Variants in CD40LG observed in about 807,000 individuals in gnomAD.
CD40LG encodes the protein CD40 ligand, also known as CD40 antigen ligand.
In CD40LG, 1 loss-of-function variant was observed where a neutral mutation model predicts 17.2. The observed-to-expected ratio is 0.06, with a 90% CI of 0.02 to 0.28. The LOEUF is 0.28. Ranked by LOEUF, CD40LG falls within the 10% of genes least tolerant of loss-of-function variation. The pLI is 1.00. For synonymous variants in CD40LG, 66 were observed against 74.4 expected (o/e 0.89, Z 0.58); for missense variants, 133 against 193.2 (o/e 0.69, Z 1.85).
chrX:136,655,850 G>A (rs900292821), intron 3 of CD40LG, among the ~76,000 whole-genome samples: 1 of 112,151 alleles, frequency 8.9e-6, no homozygotes, highest in African/African-American at 3.2e-5. Context: ...CTCATAACTG[G>A]ACAAAAAGAA....
In CD40LG at chrX:136,659,469, C is replaced by G. The variant is rs1322288983; in HGVS notation, c.*54C>G. 1.7e-6 allele frequency: 2 copies of G among 1,160,805 alleles called. No individual in the cohort carries two copies. Among genetic ancestry groups the G allele is most frequent in the Non-Finnish European group, 2.3e-6 (2 of 859,023 alleles). ...GCTGACGCTGGGAGTCTTCATAATACAGCACAGCGGTTAAGCCCACCCCCT... is the reference window on the plus strand; with the variant it reads ...GCTGACGCTGGGAGTCTTCATAATAGAGCACAGCGGTTAAGCCCACCCCCT... On this transcript the variant is annotated 3_prime_UTR_variant, in exon 5 of 5. Coordinates refer to ENST00000370629, the MANE Select transcript of CD40LG (RefSeq NM_000074.3).
rs984508437 is a variant in CD40LG, at chrX:136,651,343, C to T, written c.288+946C>T. On this transcript the variant is annotated intron_variant, in intron 2 of 4. Transcript: ENST00000370629. ...GTGGGTGGGTATCTGGGTAAACCAA[C>T]AGGAATTAGTTCTCACATATAGATG... 9.0e-5 allele frequency among the ~76,000 whole-genome samples: 10 copies of T among 111,180 alleles called. No individual in the cohort carries two copies. The East Asian group carries it at 2.0e-3, about 22-fold the overall frequency.
intron 2 of CD40LG, among the ~76,000 whole-genome samples, chrX:136,654,101 C>T (rs2076112209): frequency 1.8e-5 from 2 of 111,807 alleles, no homozygotes; most frequent in Admixed American, 9.5e-5. Flanking sequence ...AGGATCACAG[C>T]CTCTGGTCTG....
intron 2 of CD40LG, among the ~76,000 whole-genome samples, chrX:136,651,930 C>T (rs1325882397): frequency 1.8e-5 from 2 of 111,382 alleles, no homozygotes; most frequent in East Asian, 5.6e-4. Context: ...TCGTTTCTTA[C>T]GGAGACTTTT....
At chrX:136,652,950 GA>G (rs1236555830) in intron 2 of CD40LG, among the ~76,000 whole-genome samples, 35 of 105,090 alleles carry the variant, frequency 3.3e-4, no homozygotes, top group Middle Eastern at 4.8e-3. Flanking sequence ...AGTGAAGCAA[GA>G]AAAAAAAAAG....
In CD40LG at chrX:136,648,359, T is replaced by C; in HGVS notation, c.111T>C (p.Ile37=). 7 of 1,210,367 alleles carry C rather than the reference T, an allele frequency of 5.8e-6. No homozygotes were observed. The highest frequency in any genetic ancestry group is 7.8e-6 in the Non-Finnish European group (7 of 894,022). ...CTGTTTTTCTTATCACCCAGATGAT[T>C]GGGTCAGCACTTTTTGCTGTGTATC... The part of the protein sequence containing the change: ...LLTVFLITQM[I]GSALFAVYLH... Residue 37 remains isoleucine (I), a synonymous_variant, in exon 1 of 5, where the codon ATT becomes ATC. Transcript: ENST00000370629.
rs36063307 is a variant in CD40LG at position 136,648,329 on chromosome X, A to G, written c.81A>G (p.Leu27=). 5.5e-4 allele frequency: 662 copies of G among 1,203,293 alleles called. 5 individuals carry two copies. The African/African-American group carries it at 0.011, about 19-fold the overall frequency. Residue 27 remains leucine (L), a synonymous_variant, in exon 1 of 5, where the codon TTA becomes TTG. Transcript: ENST00000370629. ...TCAGCATGAAAATTTTTATGTATTT[A>G]CTTACTGTTTTTCTTATCACCCAGA... The part of the protein sequence containing the change: ...LPISMKIFMY[L]LTVFLITQMI...
Position 136,650,403 on chromosome X carries a change from C to T in CD40LG, c.288+6C>T, listed in dbSNP as rs773041323. On this transcript the variant is annotated splice_donor_region_variant and intron_variant, in intron 2 of 4. Coordinates refer to ENST00000370629, the MANE Select transcript of CD40LG (RefSeq NM_000074.3). ...AGTTTGAAGGCTTTGTGAAGGTAAG[C>T]AGCTTAATTACTGGTAAAAGTGTCA... is the stretch of plus-strand genomic sequence containing the variant. 5.0e-6 allele frequency: 6 copies of T among 1,200,822 alleles called. No homozygotes were observed. The highest frequency in any genetic ancestry group is 6.8e-6 in the Non-Finnish European group (6 of 887,531).
chrX:136,653,809 A>C (rs1255202640), intron 2 of CD40LG, among the ~76,000 whole-genome samples: 1 of 112,536 alleles, frequency 8.9e-6, no homozygotes, highest in Non-Finnish European at 1.9e-5. Context: ...AAGTAAATAC[A>C]GTGCAACTAT....
intron 1 of CD40LG, among the ~76,000 whole-genome samples, chrX:136,649,757 C>A (rs752110841): frequency 8.9e-6 from 1 of 112,560 alleles, no homozygotes; most frequent in Non-Finnish European, 1.9e-5. Context: ...TTTAAAAATG[C>A]AAATGTTTTC....
At chrX:136,651,779 C>A (rs965062152) in intron 2 of CD40LG, among the ~76,000 whole-genome samples, 1 of 111,726 alleles carries the variant, frequency 9.0e-6, no homozygotes, top group Admixed American at 9.5e-5. Flanking sequence ...AATAACTTCA[C>A]CTTTCTGGGC....
chrX:136,649,776 C>T (rs1045959100), intron 1 of CD40LG, among the ~76,000 whole-genome samples: 1 of 112,483 alleles, frequency 8.9e-6, no homozygotes, highest in African/African-American at 3.2e-5. Context: ...TCTACAAATA[C>T]TAAAGTTAAA....
In CD40LG at chrX:136,658,635, T is replaced by A. The variant is rs185829509; in HGVS notation, c.410-404T>A. The stretch of plus-strand genomic sequence containing the variant: ...GTATTCATGGTAATATTAGCAAAAA[T>A]TTGGTCCGAGTAATTTGGTATGTAT... On this transcript the variant is annotated intron_variant, in intron 4 of 4. Transcript: ENST00000370629. Among the ~76,000 whole-genome samples the A allele has an allele frequency of 1.3e-4, 15 of 111,584 alleles. No homozygotes were observed. The East Asian group carries it at 3.1e-3, about 23-fold the overall frequency.
At chrX:136,655,827 G>T (rs1434021877) in intron 3 of CD40LG, among the ~76,000 whole-genome samples, 4 of 112,392 alleles carry the variant, frequency 3.6e-5, no homozygotes, top group Non-Finnish European at 7.5e-5. Flanking sequence ...CTTACAAAGT[G>T]CCCAATATCA....
chrX:136,655,208 G>T (rs1020936184), intron 3 of CD40LG, among the ~76,000 whole-genome samples: 1 of 111,572 alleles, frequency 9.0e-6, no homozygotes, highest in African/African-American at 3.3e-5. Context: ...CCCAGCAGCT[G>T]TCCAGATATG....
rs755252636 is a variant in CD40LG, at chrX:136,649,967, C to T, written c.157-299C>T. On this transcript the variant is annotated intron_variant, in intron 1 of 4. Transcript: ENST00000370629. ...GAAGCAATGAGAAATGTGACAATTA[C>T]AGAATATTGCTGCTATAGTATGTTG... Among the ~76,000 whole-genome samples the T allele has an allele frequency of 3.6e-4, 41 of 112,454 alleles. 1 individual carries two copies. Among genetic ancestry groups the T allele is most frequent in the Non-Finnish European group, 6.8e-4 (36 of 53,250 alleles).
chrX:136,657,499 A>T (rs753745858), intron 4 of CD40LG, among the ~76,000 whole-genome samples: 1 of 111,847 alleles, frequency 8.9e-6, no homozygotes, highest in South Asian at 3.7e-4. Context: ...AATGTGGCCG[A>T]AAGTGATGCT....
intron 1 of CD40LG, 57 bp downstream of exon 1, chrX:136,648,461 G>C: frequency 9.3e-7 from 1 of 1,071,705 alleles, no homozygotes; most frequent in Non-Finnish European, 1.3e-6. Context: ...TAATTCATAG[G>C]TTGGTTCTAC....
Position 136,650,406 on chromosome X carries a change from CT to C in CD40LG, c.288+11del. On this transcript the variant is annotated intron_variant, in intron 2 of 4. Coordinates refer to ENST00000370629, the MANE Select transcript of CD40LG (RefSeq NM_000074.3). ...TTGAAGGCTTTGTGAAGGTAAGCAG[CT>C]TAATTACTGGTAAAAGTGTCATTGA... 8.3e-7 allele frequency: 1 copy of C among 1,200,202 alleles called. No homozygotes were observed. Among genetic ancestry groups the C allele is most frequent in the Non-Finnish European group, 1.1e-6 (1 of 885,568 alleles).
Sources: gnomAD v4.1 joint callset for allele counts (sites outside exome capture counted in the v4.1 genomes callset) on GRCh38, gnomAD v4.1.1 for gene constraint, MANE v1.5 for transcripts, NCBI Gene and HGNC (gene_info 2026-07-23, HGNC 2026-07-21) for gene names.